TOM1L1: variants seen among roughly 807,000 people sequenced by gnomAD.
The protein encoded by TOM1L1 is target of myb1 like 1 membrane trafficking protein, also known as TOM1-like protein 1.
TOM1L1 carries 64 observed loss-of-function variants against 63.4 expected under a neutral mutation model. The observed-to-expected ratio is 1.01, with a 90% CI of 0.83 to 1.24. TOM1L1 has a LOEUF of 1.24. Among genes scored for constraint, TOM1L1 ranks in the 50% most tolerant of loss-of-function variants. The pLI is 0.00. For synonymous variants in TOM1L1, 166 were observed against 194.4 expected (o/e 0.85, Z 1.22); for missense variants, 536 against 567.0 (o/e 0.95, Z 0.55).
At chr17:54,940,283 A>T (rs2049015008) in intron 11 of TOM1L1, among the ~76,000 whole-genome samples, 1 of 152,210 alleles carries the variant, frequency 6.6e-6, no homozygotes, top group Admixed American at 6.5e-5. Context: ...CTTATAGAGA[A>T]ATGTCAATTA....
chr17:54,916,148 C>A, intron 7 of TOM1L1: 1 of 412,594 alleles, frequency 2.4e-6, no homozygotes, highest in Non-Finnish European at 4.3e-6. Flanking sequence ...GTAAAAATTG[C>A]CTCTATTTTC....
chr17:54,945,049 C>T (rs1011923357), intron 11 of TOM1L1, among the ~76,000 whole-genome samples: 1 of 152,118 alleles, frequency 6.6e-6, no homozygotes, highest in Non-Finnish European at 1.5e-5. Flanking sequence ...ACAACTATTA[C>T]GGGGACATCT....
intron 10 of TOM1L1, chr17:54,938,544 T>C (rs533095594): frequency 6.6e-6 from 1 of 151,616 alleles, no homozygotes; most frequent in East Asian, 1.9e-4. Flanking sequence ...GAGGTGAAGG[T>C]AGAGCTCAGT....
chr17:54,928,120 G>A (rs2048797733), intron 7 of TOM1L1, among the ~76,000 whole-genome samples: 1 of 151,966 alleles, frequency 6.6e-6, no homozygotes, highest in African/African-American at 2.4e-5. Context: ...TTCATTACGG[G>A]GGTTATATTA....
At chr17:54,949,937 G>A in intron 13 of TOM1L1, 108 bp from the exon 14 acceptor site, 1 of 874,324 alleles carries the variant, frequency 1.1e-6, no homozygotes, top group South Asian at 1.7e-5. Context: ...TGTTTTGGTT[G>A]TGTTTATTAG....
chr17:54,954,054 G>C (rs1032537703), intron 14 of TOM1L1: 6 of 152,126 alleles, frequency 3.9e-5, no homozygotes, highest in Non-Finnish European at 7.4e-5. Flanking sequence ...TAATGATGAA[G>C]CCACTCTTGA....
intron 10 of TOM1L1, among the ~76,000 whole-genome samples, chr17:54,938,256 G>A (rs1304111952): frequency 1.3e-5 from 2 of 152,152 alleles, no homozygotes; most frequent in African/African-American, 2.4e-5. Flanking sequence ...CACTTTGGGA[G>A]GCCGAGTCAG....
rs2077125992 is a variant in TOM1L1 at position 54,961,570 on chromosome 17, TAA to T, written c.*338_*339del. On this transcript the variant is annotated 3_prime_UTR_variant, in exon 16 of 16. Coordinates refer to ENST00000575882, the MANE Select transcript of TOM1L1 (RefSeq NM_005486.3). ...TTTAGAAATCGTCACACAGCTGTGA[TAA>T]GAGTAGATTATTTTACTATGAAATA... 1.1e-5 allele frequency: 15 copies of T among 1,313,898 alleles called. No individual in the cohort carries two copies. In the South Asian group the frequency reaches 1.4e-4, roughly 12 times the overall value. The allele number at this position is 1,313,898 out of a possible 1,614,324, so 81.4% of individuals were successfully genotyped here.
intron 7 of TOM1L1, among the ~76,000 whole-genome samples, chr17:54,928,590 A>G (rs2048806611): frequency 2.6e-5 from 4 of 152,142 alleles, no homozygotes; most frequent in South Asian, 4.1e-4. Flanking sequence ...TATATTTTCC[A>G]GGGTTGCTTT....
At chr17:54,944,885 T>G (rs2049092620) in intron 11 of TOM1L1, among the ~76,000 whole-genome samples, 1 of 152,226 alleles carries the variant, frequency 6.6e-6, no homozygotes, top group South Asian at 2.1e-4. Context: ...GGATTTCTTT[T>G]GTTTCTTTCT....
At chr17:54,920,153 G>A (rs2048659988) in intron 7 of TOM1L1, among the ~76,000 whole-genome samples, 1 of 152,134 alleles carries the variant, frequency 6.6e-6, no homozygotes, top group East Asian at 1.9e-4. Flanking sequence ...CTCCCTGGTT[G>A]GCTGCCCCCT....
chr17:54,948,539 C>T (rs1276943767), intron 12 of TOM1L1, among the ~76,000 whole-genome samples: 3 of 152,178 alleles, frequency 2.0e-5, no homozygotes, highest in South Asian at 2.1e-4. Flanking sequence ...TCTGCTTAAA[C>T]GTCCCCAGTG....
At chr17:54,956,472 ATT>A (rs918263213) in intron 14 of TOM1L1, among the ~76,000 whole-genome samples, 1 of 151,754 alleles carries the variant, frequency 6.6e-6, no homozygotes, top group Non-Finnish European at 1.5e-5. Context: ...CGCCTGGCTA[ATT>A]TTTTTGTATA....
At chr17:54,920,891 A>G (rs2048673114) in intron 7 of TOM1L1, among the ~76,000 whole-genome samples, 1 of 152,232 alleles carries the variant, frequency 6.6e-6, no homozygotes, top group South Asian at 2.1e-4. Flanking sequence ...AGGAGGATGT[A>G]GTAAGGCTGT....
At chr17:54,902,108 T>C (rs2143710303) in intron 1 of TOM1L1, among the ~76,000 whole-genome samples, 1 of 152,268 alleles carries the variant, frequency 6.6e-6, no homozygotes, top group South Asian at 2.1e-4. Flanking sequence ...CACTTTCTTG[T>C]AGAGAAGACG....
intron 1 of TOM1L1, among the ~76,000 whole-genome samples, chr17:54,902,394 C>A (rs145832974): frequency 0.017 from 2,568 of 152,162 alleles, 76 homozygotes; most frequent in African/African-American, 0.056. Flanking sequence ...GGTTCAAGCA[C>A]TTCTCCTTCC....
intron 8 of TOM1L1, 46 bp downstream of exon 8, chr17:54,930,252 T>C (rs763877536): frequency 4.3e-6 from 7 of 1,610,356 alleles, no homozygotes; most frequent in Non-Finnish European, 5.9e-6. Context: ...ATTTCTACTT[T>C]CACCACCAAT....
intron 1 of TOM1L1, among the ~76,000 whole-genome samples, chr17:54,903,074 G>A (rs1011473831): frequency 9.9e-5 from 15 of 152,224 alleles, no homozygotes; most frequent in African/African-American, 3.6e-4. Flanking sequence ...AAGGAATCGT[G>A]AGATTAAGAT....
intron 5 of TOM1L1, 122 bp from the exon 6 acceptor site, chr17:54,914,517 C>A (rs935216528): frequency 6.0e-5 from 43 of 714,442 alleles, no homozygotes; most frequent in Non-Finnish European, 9.6e-5. Flanking sequence ...TGATGATTTA[C>A]TCTGGGCAGA....
Sources: allele counts gnomAD v4.1 joint callset (sites outside exome capture counted in the v4.1 genomes callset), GRCh38; gene constraint gnomAD v4.1.1; transcripts MANE v1.5; gene names NCBI Gene and HGNC (gene_info 2026-07-23, HGNC 2026-07-21).